The following KCNJ16 variants were observed in gnomAD, a reference collection of about 807,000 sequenced individuals.
The protein encoded by KCNJ16 is potassium inwardly rectifying channel subfamily J member 16.
In KCNJ16, 15 loss-of-function variants were observed where a neutral mutation model predicts 18.5. That is an observed-to-expected ratio of 0.81 (90% CI 0.54 to 1.25). The LOEUF is 1.25. Ranked by LOEUF, KCNJ16 falls within the 50% of genes most tolerant of loss-of-function variation. The probability of loss-of-function intolerance (pLI) is 0.00; values close to 1 mark genes in which losing one functional copy is unlikely to be tolerated. For missense variants in KCNJ16, 523 were observed against 525.7 expected (o/e 0.99, Z 0.05); for synonymous variants, 174 against 186.5 (o/e 0.93, Z 0.55).
chr17:70,084,036 C>A (rs2071680262), intron 1 of KCNJ16, among the ~76,000 whole-genome samples: 1 of 152,184 alleles, frequency 6.6e-6, no homozygotes, highest in South Asian at 2.1e-4. Flanking sequence ...AAAGAGGAGA[C>A]CAGCAGGATG....
At chr17:70,088,271 T>G (rs1024324620) in intron 1 of KCNJ16, among the ~76,000 whole-genome samples, 1 of 152,104 alleles carries the variant, frequency 6.6e-6, no homozygotes, top group Non-Finnish European at 1.5e-5. Flanking sequence ...TCATCAGGCA[T>G]TAGTTAGATT....
chr17:70,124,898 T>TTGTGTGTGTGTGTGTGTGTGTG lies in KCNJ16; in HGVS notation c.-190-5968_-190-5967insGTGTGTGTGTGTGTGTGTGTGT, dbSNP rs71149824. Among the ~76,000 whole-genome samples the TTGTGTGTGTGTGTGTGTGTGTG allele has an allele frequency of 1.2e-3, 183 of 151,212 alleles. 3 individuals carry two copies. Among genetic ancestry groups the TTGTGTGTGTGTGTGTGTGTGTG allele is most frequent in the African/African-American group, 4.1e-3 (168 of 41,056 alleles). On this transcript the variant is annotated intron_variant, in intron 2 of 3. Coordinates refer to ENST00000392671, the MANE Select transcript of KCNJ16 (RefSeq NM_170741.4). ...CTGAGTTGAATAGATGGGTGTGTGTTTGTGTGTGTGTGTTCAGATATGGGT... is the reference window on the plus strand; with the variant it reads ...CTGAGTTGAATAGATGGGTGTGTGTTTGTGTGTGTGTGTGTGTGTGTGTGTGTGTGTGTGTTCAGATATGGGT...
chr17:70,088,164 G>A (rs911809586), intron 1 of KCNJ16, among the ~76,000 whole-genome samples: 2 of 152,204 alleles, frequency 1.3e-5, no homozygotes, highest in South Asian at 2.1e-4. Context: ...TTAGGGCAGC[G>A]GTTTCCAACC....
In KCNJ16 at chr17:70,132,934, A is replaced by T. The variant is rs1292805455; in HGVS notation, c.847A>T (p.Ile283Phe). Reference protein sequence around the residue: ...KDNFEILVTFIYTGDSTGTSH... With the variant: ...KDNFEILVTFFYTGDSTGTSH... ...TAACTTTGAGATTTTGGTGACATTT[A>T]TCTATACTGGTGATTCCACTGGAAC... Residue 283 changes from isoleucine (I) to phenylalanine (F), a missense_variant, in exon 4 of 4, where the codon ATC becomes TTC. Transcript: ENST00000392671. 6 of 1,614,096 alleles carry T rather than the reference A, an allele frequency of 3.7e-6. No individual in the cohort carries two copies. The highest frequency in any genetic ancestry group is 1.3e-5 in the African/African-American group (1 of 74,932).
intron 2 of KCNJ16, among the ~76,000 whole-genome samples, chr17:70,124,084 T>G (rs989132467): frequency 1.3e-5 from 2 of 152,180 alleles, no homozygotes; most frequent in Non-Finnish European, 2.9e-5. Flanking sequence ...AGATAGTGAC[T>G]GTACCTCAAA....
chr17:70,092,558 AT>A (rs1248161640), intron 1 of KCNJ16, among the ~76,000 whole-genome samples: 7,703 of 69,542 alleles, frequency 0.11, 279 homozygotes, highest in Non-Finnish European at 0.14. Context: ...ATATAGATAG[AT>A]GATAGATATA....
chr17:70,085,377 GA>G (rs1158507398), intron 1 of KCNJ16, among the ~76,000 whole-genome samples: 1 of 152,198 alleles, frequency 6.6e-6, no homozygotes, highest in Non-Finnish European at 1.5e-5. Flanking sequence ...CAGAGGCACT[GA>G]AAGGTCGGGA....
At chr17:70,117,969 T>G (rs1803098965) in intron 2 of KCNJ16, among the ~76,000 whole-genome samples, 1 of 152,204 alleles carries the variant, frequency 6.6e-6, no homozygotes, top group African/African-American at 2.4e-5. Flanking sequence ...TTAAGCTTTG[T>G]GGACCACATG....
intron 1 of KCNJ16, among the ~76,000 whole-genome samples, chr17:70,079,764 A>G (rs1360836179): frequency 6.6e-6 from 1 of 152,134 alleles, no homozygotes; most frequent in Non-Finnish European, 1.5e-5. Flanking sequence ...GGGCAGTGGC[A>G]TGATCTCGGC....
At chr17:70,098,671 C>T (rs1027208453) in intron 1 of KCNJ16, among the ~76,000 whole-genome samples, 29 of 151,928 alleles carry the variant, frequency 1.9e-4, no homozygotes, top group African/African-American at 6.3e-4. Flanking sequence ...GCACTGTCAT[C>T]GAAGATTAAT....
At chr17:70,077,955 G>A (rs2071387378) in intron 1 of KCNJ16, among the ~76,000 whole-genome samples, 1 of 152,088 alleles carries the variant, frequency 6.6e-6, no homozygotes, top group African/African-American at 2.4e-5. Context: ...TTTCTTAGCT[G>A]GTTAGCTTCT....
At position 70,132,759 on chromosome 17, in the gene KCNJ16, A is replaced by G. The variant is rs9302913; in HGVS notation, c.672A>G (p.Thr224=). Residue 224 remains threonine (T), a synonymous_variant, in exon 4 of 4, where the codon ACA becomes ACG. Transcript: ENST00000392671. The stretch of plus-strand genomic sequence containing the variant: ...TTAGAGCCCAACTTCTCCGCTATAC[A>G]GAAGACAGTGAAGGGAGGATGACGA... The part of the protein sequence containing the change: ...GTVRAQLLRY[T]EDSEGRMTMA... The G allele has an allele frequency of 1.2e-5, 19 of 1,613,972 alleles. No homozygotes were observed. Among genetic ancestry groups the G allele is most frequent in the Non-Finnish European group, 1.6e-5 (19 of 1,180,040 alleles).
intron 2 of KCNJ16, among the ~76,000 whole-genome samples, chr17:70,127,285 TAG>T (rs1479568393): frequency 6.6e-6 from 1 of 151,584 alleles, no homozygotes; most frequent in Non-Finnish European, 1.5e-5. Flanking sequence ...AAACTGAAGT[TAG>T]AGAGTCAGGG....
intron 3 of KCNJ16, chr17:70,131,329 C>A: frequency 9.2e-7 from 1 of 1,085,392 alleles, no homozygotes. Context: ...AAGAAAGATG[C>A]ATTTTTTTTT....
intron 2 of KCNJ16, among the ~76,000 whole-genome samples, chr17:70,116,774 A>G (rs1192700816): frequency 2.0e-5 from 3 of 152,206 alleles, no homozygotes; most frequent in African/African-American, 7.2e-5. Context: ...CACCAGTGAG[A>G]ATAGCCATTA....
intron 2 of KCNJ16, among the ~76,000 whole-genome samples, chr17:70,106,207 T>G (rs183084026): frequency 1.3e-5 from 2 of 152,202 alleles, no homozygotes; most frequent in Admixed American, 1.3e-4. Flanking sequence ...CTGACAAATA[T>G]GGCTCAAAAT....
rs1041018050 is a variant in KCNJ16, at chr17:70,131,081, G to C, written c.-94+106G>C. The C allele has an allele frequency of 2.4e-5, 29 of 1,210,220 alleles. No individual in the cohort carries two copies. The Admixed American group carries it at 5.3e-4, about 22-fold the overall frequency. 75.0% of individuals were successfully genotyped at this position (1,210,220 alleles called of 1,614,324 possible). ...GAAAGTATCAGGAAAACACTGAAAAGCCGGAGAGAAGGGTTCAATTGTAGC... is the reference window on the plus strand; with the variant it reads ...GAAAGTATCAGGAAAACACTGAAAACCCGGAGAGAAGGGTTCAATTGTAGC... On this transcript the variant is annotated intron_variant, in intron 3 of 3. Coordinates refer to ENST00000392671, the MANE Select transcript of KCNJ16 (RefSeq NM_170741.4).
At chr17:70,120,165 G>A (rs1000633059) in intron 2 of KCNJ16, among the ~76,000 whole-genome samples, 6 of 152,176 alleles carry the variant, frequency 3.9e-5, no homozygotes, top group Non-Finnish European at 5.9e-5. Context: ...GTTCATGCAT[G>A]AGTCACCTTT....
At chr17:70,099,435 C>T (rs922246454) in intron 1 of KCNJ16, among the ~76,000 whole-genome samples, 1 of 151,968 alleles carries the variant, frequency 6.6e-6, no homozygotes, top group African/African-American at 2.4e-5. Context: ...TATAGGGAGA[C>T]ACATTTTTAT....
Sources: allele counts gnomAD v4.1 joint callset (sites outside exome capture counted in the v4.1 genomes callset), GRCh38; gene constraint gnomAD v4.1.1; transcripts MANE v1.5; gene names NCBI Gene and HGNC (gene_info 2026-07-23, HGNC 2026-07-21).